Variants in PLCB1 observed in about 807,000 individuals in gnomAD.
PLCB1 encodes 1-phosphatidylinositol 4,5-bisphosphate phosphodiesterase beta-1.
PLCB1 carries 46 observed loss-of-function variants against 161.8 expected under a neutral mutation model. The ratio of observed to expected loss-of-function variants is 0.28; its 90% CI spans 0.22 to 0.36. PLCB1 has a LOEUF of 0.36. PLCB1 is among the 10% of genes least tolerant of loss of function. The probability of loss-of-function intolerance (pLI) is 1.00; values close to 1 mark genes in which losing one functional copy is unlikely to be tolerated. For synonymous variants in PLCB1, 517 were observed against 503.7 expected (o/e 1.03, Z -0.35); for missense variants, 1,016 against 1,472.5 (o/e 0.69, Z 5.07).
intron 23 of PLCB1, among the ~76,000 whole-genome samples, chr20:8,755,768 G>A (rs995412411): frequency 1.3e-5 from 2 of 152,098 alleles, no homozygotes; most frequent in African/African-American, 4.8e-5. Context: ...TAAGAATAGG[G>A]CATACTAAAT....
intron 31 of PLCB1, among the ~76,000 whole-genome samples, chr20:8,864,057 T>C (rs1216167371): frequency 2.0e-5 from 3 of 152,252 alleles, no homozygotes; most frequent in East Asian, 1.9e-4. Context: ...TTTCTTGGCA[T>C]ACAATTAGAC....
chr20:8,568,103 A>G (rs201262089), intron 3 of PLCB1, among the ~76,000 whole-genome samples: 1 of 152,192 alleles, frequency 6.6e-6, no homozygotes, highest in East Asian at 1.9e-4. Context: ...TGGGTCATGT[A>G]TTCTTGGAAA....
chr20:8,837,294 A>T (rs955034447), intron 31 of PLCB1, among the ~76,000 whole-genome samples: 8 of 152,196 alleles, frequency 5.3e-5, no homozygotes, highest in Non-Finnish European at 4.4e-5. Flanking sequence ...TACAAAGTGC[A>T]ACTCATGAGG....
intron 3 of PLCB1, among the ~76,000 whole-genome samples, chr20:8,421,164 G>A (rs1979522903): frequency 6.6e-6 from 1 of 152,176 alleles, no homozygotes; most frequent in Non-Finnish European, 1.5e-5. Context: ...TGAGCTCATT[G>A]ATGTAATGAA....
chr20:8,497,612 T>C (rs1241780501), intron 3 of PLCB1, among the ~76,000 whole-genome samples: 1 of 152,134 alleles, frequency 6.6e-6, no homozygotes, highest in African/African-American at 2.4e-5. Context: ...TAAAATAGAT[T>C]GGTTGTGGCT....
intron 2 of PLCB1, among the ~76,000 whole-genome samples, chr20:8,318,589 C>T (rs534848240): frequency 3.3e-5 from 5 of 152,136 alleles, no homozygotes; most frequent in South Asian, 2.1e-4. Context: ...AGAAGATGCA[C>T]GGAAAATGTT....
At chr20:8,871,998 A>G (rs910479908) in intron 31 of PLCB1, among the ~76,000 whole-genome samples, 2 of 152,226 alleles carry the variant, frequency 1.3e-5, no homozygotes, top group African/African-American at 4.8e-5. Flanking sequence ...GAGCAAGGTC[A>G]TATTTCATAA....
intron 2 of PLCB1, among the ~76,000 whole-genome samples, chr20:8,367,157 A>T (rs984804874): frequency 2.0e-5 from 3 of 152,200 alleles, no homozygotes; most frequent in African/African-American, 7.2e-5. Context: ...TTTTACATTC[A>T]GTAAGTGTAA....
chr20:8,425,558 C>G (rs1979728278), intron 3 of PLCB1, among the ~76,000 whole-genome samples: 1 of 151,994 alleles, frequency 6.6e-6, no homozygotes, highest in Non-Finnish European at 1.5e-5. Context: ...AGACCACACT[C>G]TGAGTAGCAA....
Position 8,245,635 on chromosome 20 carries a change from CT to C in PLCB1, c.177+95265del, listed in dbSNP as rs142899766. On this transcript the variant is annotated intron_variant, in intron 2 of 31. Coordinates refer to ENST00000338037, the MANE Select transcript of PLCB1 (RefSeq NM_015192.4). ...CTTAGATGGTCTGAGCCCATGTCTCCTCATCCATCAAAGGGAGATAAATTTA... is the reference window on the plus strand; with the variant it reads ...CTTAGATGGTCTGAGCCCATGTCTCCCATCCATCAAAGGGAGATAAATTTA... Among the ~76,000 whole-genome samples, 1,355 of 151,978 alleles carry C rather than the reference CT, an allele frequency of 8.9e-3. 21 individuals are homozygous for C. The highest frequency in any genetic ancestry group is 0.03 in the African/African-American group (1,226 of 41,496).
chr20:8,488,571 A>C (rs73899109), intron 3 of PLCB1, among the ~76,000 whole-genome samples: 7,256 of 152,136 alleles, frequency 0.048, 572 homozygotes, highest in African/African-American at 0.16. Context: ...AATGACCTGA[A>C]GTGCTTAGAA....
At chr20:8,266,050 TG>T (rs1411735163) in intron 2 of PLCB1, among the ~76,000 whole-genome samples, 1 of 152,252 alleles carries the variant, frequency 6.6e-6, no homozygotes, top group Non-Finnish European at 1.5e-5. Flanking sequence ...GTTAAGGCTT[TG>T]GGTTCTTCTT....
intron 2 of PLCB1, among the ~76,000 whole-genome samples, chr20:8,339,267 G>C (rs1025297973): frequency 2.6e-5 from 4 of 152,140 alleles, no homozygotes; most frequent in Non-Finnish European, 5.9e-5. Flanking sequence ...CAGGAGTGTG[G>C]GAGAGAACAA....
At chr20:8,554,480 T>A (rs1421695450) in intron 3 of PLCB1, among the ~76,000 whole-genome samples, 1 of 152,124 alleles carries the variant, frequency 6.6e-6, no homozygotes, top group Non-Finnish European at 1.5e-5. Context: ...AAAATTATAG[T>A]GTTTTTGAAG....
intron 2 of PLCB1, among the ~76,000 whole-genome samples, chr20:8,347,990 A>G (rs977857936): frequency 6.6e-6 from 1 of 151,860 alleles, no homozygotes; most frequent in African/African-American, 2.4e-5. Context: ...GAAAAAAAAG[A>G]AAAAGAGCCT....
intron 3 of PLCB1, among the ~76,000 whole-genome samples, chr20:8,575,924 A>G (rs775375576): frequency 2.0e-5 from 3 of 152,224 alleles, no homozygotes; most frequent in African/African-American, 7.2e-5. Context: ...GTAAGAAATA[A>G]AACCTTTTCA....
chr20:8,333,206 G>A (rs1985436343), intron 2 of PLCB1, among the ~76,000 whole-genome samples: 1 of 152,162 alleles, frequency 6.6e-6, no homozygotes, highest in South Asian at 2.1e-4. Context: ...TGGAGCCTGA[G>A]TTCCTCAATA....
intron 2 of PLCB1, among the ~76,000 whole-genome samples, chr20:8,295,512 C>T (rs1379761571): frequency 6.6e-6 from 1 of 151,954 alleles, no homozygotes; most frequent in Non-Finnish European, 1.5e-5. Context: ...TGCCTTAAAA[C>T]AAAAGAATTT....
chr20:8,216,112 A>T (rs1001619929), intron 2 of PLCB1, among the ~76,000 whole-genome samples: 3 of 152,114 alleles, frequency 2.0e-5, no homozygotes, highest in Non-Finnish European at 2.9e-5. Flanking sequence ...ACATGGGGAC[A>T]TGAGTTCAGA....
Sources: allele counts gnomAD v4.1 joint callset (sites outside exome capture counted in the v4.1 genomes callset), GRCh38; gene constraint gnomAD v4.1.1; transcripts MANE v1.5; gene names NCBI Gene and HGNC (gene_info 2026-07-23, HGNC 2026-07-21).